EFHC2: variants seen among roughly 807,000 people sequenced by gnomAD.
The protein encoded by EFHC2 is EF-hand domain containing 2, also known as EF-hand domain-containing family member C2.
EFHC2 carries 18 observed loss-of-function variants against 52.7 expected under a neutral mutation model. The observed-to-expected ratio is 0.34, with a 90% CI of 0.24 to 0.51. The LOEUF is 0.51. Ranked by LOEUF, EFHC2 falls within the 20% of genes least tolerant of loss-of-function variation. The pLI, the probability that EFHC2 is intolerant of heterozygous loss-of-function variation, is 0.97. For synonymous variants in EFHC2, 203 were observed against 204.1 expected, an observed-to-expected ratio of 0.99 and a Z score of 0.04; for missense variants, 513 against 562.5, an observed-to-expected ratio of 0.91 and a Z score of 0.89.
chrX:44,327,106 T>C (rs937830216), intron 1 of EFHC2, among the ~76,000 whole-genome samples: 10 of 111,643 alleles, frequency 9.0e-5, no homozygotes, highest in African/African-American at 3.3e-4. Flanking sequence ...AATCCAGGAA[T>C]GCAAACCCAA....
intron 11 of EFHC2, among the ~76,000 whole-genome samples, chrX:44,193,877 G>A (rs1232977771): frequency 8.9e-6 from 1 of 112,141 alleles, no homozygotes; most frequent in East Asian, 2.8e-4. Flanking sequence ...ATTTGGGATA[G>A]GTGTTTGGTA....
At chrX:44,176,494 A>G in intron 12 of EFHC2, 110 bp from the exon 13 acceptor site, 1 of 511,040 alleles carries the variant, frequency 2.0e-6, no homozygotes, top group Non-Finnish European at 3.0e-6. Context: ...GAATGTACAC[A>G]TGGAAGTATG....
At chrX:44,309,328 T>C in intron 2 of EFHC2, 1 of 738,088 alleles carries the variant, frequency 1.4e-6, no homozygotes, top group Non-Finnish European at 2.1e-6. Flanking sequence ...AAGTCAGCAT[T>C]TAAGGTAAAA....
intron 1 of EFHC2, among the ~76,000 whole-genome samples, chrX:44,317,806 A>G (rs753223787): frequency 3.5e-5 from 4 of 113,047 alleles, no homozygotes; most frequent in Admixed American, 9.3e-5. Context: ...AAATACATAT[A>G]TACATACATA....
chrX:44,212,812 A>T (rs1426848565), intron 11 of EFHC2, among the ~76,000 whole-genome samples: 1 of 110,733 alleles, frequency 9.0e-6, no homozygotes, highest in Non-Finnish European at 1.9e-5. Context: ...CCTGGGTTCC[A>T]GTGATTCTCC....
chrX:44,218,238 C>T (rs746385954), intron 11 of EFHC2, among the ~76,000 whole-genome samples: 5 of 110,570 alleles, frequency 4.5e-5, no homozygotes, highest in South Asian at 3.8e-4. Flanking sequence ...TTAAGAAATA[C>T]GAATGTATTA....
chrX:44,215,623 C>T (rs991660779), intron 11 of EFHC2, among the ~76,000 whole-genome samples: 5 of 110,208 alleles, frequency 4.5e-5, no homozygotes, highest in African/African-American at 1.7e-4. Flanking sequence ...TCTAGGAAGG[C>T]ATCACAACCA....
At position 44,322,361 on chromosome X, in the gene EFHC2, G is replaced by A. The variant is rs150599937; in HGVS notation, c.43-9605C>T. On this transcript the variant is annotated intron_variant, in intron 1 of 14. Coordinates refer to ENST00000420999, the MANE Select transcript of EFHC2 (RefSeq NM_025184.4). ...AGTAGGTGTTCAATGAGCATCTATCGAATGAATAGAACATAAGCTGTGGAT... is the reference window on the plus strand; with the variant it reads ...AGTAGGTGTTCAATGAGCATCTATCAAATGAATAGAACATAAGCTGTGGAT... Among the ~76,000 whole-genome samples, 952 of 112,276 alleles carry A rather than the reference G, an allele frequency of 8.5e-3. 8 individuals are homozygous for A. Among genetic ancestry groups the A allele is most frequent in the African/African-American group, 0.029 (895 of 30,916 alleles).
intron 11 of EFHC2, among the ~76,000 whole-genome samples, chrX:44,188,066 G>A (rs56316516): frequency 7.3e-5 from 8 of 108,943 alleles, no homozygotes; most frequent in Non-Finnish European, 1.1e-4. Context: ...TGCCTCCTGG[G>A]ATCAAGTGAT....
intron 7 of EFHC2, among the ~76,000 whole-genome samples, chrX:44,246,334 T>C (rs2037400751): frequency 8.9e-6 from 1 of 112,261 alleles, no homozygotes; most frequent in Non-Finnish European, 1.9e-5. Context: ...TTAAGTACAC[T>C]GTTGTAACAC....
chrX:44,324,825 C>A (rs2038042587), intron 1 of EFHC2, among the ~76,000 whole-genome samples: 1 of 112,088 alleles, frequency 8.9e-6, no homozygotes, highest in Non-Finnish European at 1.9e-5. Flanking sequence ...AGCAAATTCT[C>A]CACCCAAAGA....
chrX:44,245,775 A>G (rs2037395697), intron 7 of EFHC2, among the ~76,000 whole-genome samples: 1 of 112,244 alleles, frequency 8.9e-6, no homozygotes, highest in Non-Finnish European at 1.9e-5. Flanking sequence ...AAGGTTATCC[A>G]TGTACCTTTC....
At chrX:44,194,857 T>C (rs937356016) in intron 11 of EFHC2, among the ~76,000 whole-genome samples, 3 of 111,027 alleles carry the variant, frequency 2.7e-5, no homozygotes, top group Admixed American at 1.9e-4. Context: ...AGGGTCCAAT[T>C]TGTACTGAGC....
intron 2 of EFHC2, among the ~76,000 whole-genome samples, chrX:44,287,112 T>C (rs1297651791): frequency 1.9e-5 from 2 of 107,379 alleles, no homozygotes; most frequent in Non-Finnish European, 3.8e-5. Flanking sequence ...CCCAGCACTT[T>C]GGGAGGCCGA....
chrX:44,160,248 T>G (rs2036641219), intron 14 of EFHC2, among the ~76,000 whole-genome samples: 1 of 111,278 alleles, frequency 9.0e-6, no homozygotes, highest in Non-Finnish European at 1.9e-5. Context: ...TCTCTTCTAG[T>G]GTGGATGGTG....
intron 1 of EFHC2, among the ~76,000 whole-genome samples, chrX:44,337,984 G>GTTTTTA (rs2038126613): frequency 9.0e-6 from 1 of 111,518 alleles, no homozygotes; most frequent in South Asian, 3.7e-4. Flanking sequence ...TATAGATATA[G>GTTTTTA]TTTTTATGCA....
chrX:44,322,555 C>A (rs1053691240), intron 1 of EFHC2, among the ~76,000 whole-genome samples: 1 of 111,927 alleles, frequency 8.9e-6, no homozygotes, highest in Non-Finnish European at 1.9e-5. Context: ...CTGGCATTCA[C>A]CTTCCAGCTT....
At chrX:44,212,080 T>C (rs1255728189) in intron 11 of EFHC2, among the ~76,000 whole-genome samples, 1 of 109,120 alleles carries the variant, frequency 9.2e-6, no homozygotes, top group East Asian at 2.9e-4. Flanking sequence ...GGAGGCTCAA[T>C]GTGGATATGC....
intron 5 of EFHC2, among the ~76,000 whole-genome samples, chrX:44,249,796 G>A (rs1419981583): frequency 2.7e-5 from 3 of 112,369 alleles, no homozygotes; most frequent in Non-Finnish European, 5.6e-5. Flanking sequence ...GTAGGTGCAC[G>A]TGTATAAGTG....
Sources: allele counts gnomAD v4.1 joint callset (sites outside exome capture counted in the v4.1 genomes callset), GRCh38; gene constraint gnomAD v4.1.1; transcripts MANE v1.5; gene names NCBI Gene and HGNC (gene_info 2026-07-23, HGNC 2026-07-21).